Variants in DPRX observed in about 807,000 individuals in gnomAD.
DPRX encodes divergent-paired related homeobox, also known as divergent paired-related homeobox.
DPRX carries 11 observed loss-of-function variants against 8.4 expected under a neutral mutation model. That is an observed-to-expected ratio of 1.31 (90% CI 0.82 to 2.17). DPRX has a LOEUF of 2.17. DPRX is among the 30% of genes most tolerant of loss of function. The pLI is 0.00. For synonymous variants in DPRX, 72 were observed against 87.0 expected (o/e 0.83, Z 0.96); for missense variants, 211 against 236.7 (o/e 0.89, Z 0.71).
At chr19:53,609,582 C>A in the DPRX span, among the ~76,000 whole-genome samples, 3 of 149,858 alleles carry the variant, frequency 2.0e-5, no homozygotes, top group African/African-American at 7.3e-5. Context: ...CACGTGTGTA[C>A]CGGCTGGCCA....
At chr19:53,625,432 C>T in the DPRX span, among the ~76,000 whole-genome samples, 1 of 152,056 alleles carries the variant, frequency 6.6e-6, no homozygotes, top group Non-Finnish European at 1.5e-5. Flanking sequence ...TTAGGCACAT[C>T]CTTCGTCTCT....
chr19:53,613,101 T>G, the DPRX span, among the ~76,000 whole-genome samples: 1 of 152,162 alleles, frequency 6.6e-6, no homozygotes, highest in South Asian at 2.1e-4. Context: ...AGACAGTTTC[T>G]AGTTTCTATG....
At chr19:53,627,759 A>G (rs959832250), upstream of DPRX, among the ~76,000 whole-genome samples, 3 of 149,732 alleles carry the variant, frequency 2.0e-5, no homozygotes, top group South Asian at 6.6e-4. Context: ...TCTTAACACA[A>G]AAAGTTTTTG....
chr19:53,636,855 G>A (rs2122169824), exon 3 of DPRX: 1 of 1,614,094 alleles, frequency 6.2e-7, no homozygotes, highest in African/African-American at 1.3e-5. Flanking sequence ...ATTGGCCACA[G>A]AATAGTCCAT....
chr19:53,633,060 C>T (rs1036960227), intron 1 of DPRX, among the ~76,000 whole-genome samples: 1 of 152,104 alleles, frequency 6.6e-6, no homozygotes, highest in African/African-American at 2.4e-5. Context: ...CTTTGGGAGG[C>T]CGAGGTGGGC....
At chr19:53,602,310 G>C in the DPRX span, 1 of 321,700 alleles carries the variant, frequency 3.1e-6, no homozygotes, top group Admixed American at 4.1e-5. Flanking sequence ...GTGTGTGTGT[G>C]TGCCAGCCTC....
chr19:53,632,135 G>A lies in DPRX; in HGVS notation c.28+1G>A. 1.2e-6 allele frequency: 2 copies of A among 1,614,002 alleles called. No homozygotes were observed. Among genetic ancestry groups the A allele is most frequent in the South Asian group, 1.1e-5 (1 of 91,068 alleles). ...CCAGGCTCAGAGGATCTTCGTAAAG[G>A]TAAGCCAGAAAAAATGAGAACCGAA... On this transcript the variant is annotated splice_donor_variant, in intron 1 of 2. Coordinates refer to ENST00000376650, the Ensembl canonical transcript of DPRX. LOFTEE classifies it high-confidence loss of function.
At chr19:53,601,692 G>T in the DPRX span, among the ~76,000 whole-genome samples, 2 of 152,002 alleles carry the variant, frequency 1.3e-5, no homozygotes, top group Non-Finnish European at 2.9e-5. Flanking sequence ...ATGTTGGTCA[G>T]GCTGGTCCCG....
chr19:53,630,149 G>A (rs2091086817), upstream of DPRX: 2 of 151,080 alleles, frequency 1.3e-5, no homozygotes, highest in Admixed American at 6.6e-5. Context: ...GGAGGCAGAG[G>A]TTGCAGTGAG....
the DPRX span, among the ~76,000 whole-genome samples, chr19:53,614,949 GTC>G: frequency 5.3e-5 from 8 of 151,796 alleles, no homozygotes; most frequent in Non-Finnish European, 1.2e-4. Flanking sequence ...GAAAGACCCT[GTC>G]TCTCTATTTT....
the DPRX span, chr19:53,616,788 C>T: frequency 2.5e-6 from 4 of 1,570,598 alleles, no homozygotes; most frequent in Admixed American, 1.8e-5. Flanking sequence ...CGAGAATGGC[C>T]CTTGCTGCCA....
At chr19:53,619,270 G>A in the DPRX span, among the ~76,000 whole-genome samples, 5 of 152,056 alleles carry the variant, frequency 3.3e-5, no homozygotes, top group African/African-American at 7.2e-5. Flanking sequence ...GCCAGGCGTG[G>A]TGGCTCATGC....
the DPRX span, chr19:53,604,596 A>T: frequency 6.6e-6 from 1 of 152,524 alleles, no homozygotes; most frequent in Non-Finnish European, 1.5e-5. Context: ...CTGGAAAAGC[A>T]CTTTGGAAGG....
At chr19:53,610,089 TGCCGTGA>T in the DPRX span, among the ~76,000 whole-genome samples, 1 of 146,424 alleles carries the variant, frequency 6.8e-6, no homozygotes. Context: ...AGGCAGAGGT[TGCCGTGA>T]GCCGAGATTG....
chr19:53,601,774 A>G, the DPRX span, among the ~76,000 whole-genome samples: 650 of 151,892 alleles, frequency 4.3e-3, 2 homozygotes, highest in African/African-American at 0.015. Flanking sequence ...GAGCCACCTC[A>G]CCTGGCTCAA....
chr19:53,624,995 C>G, the DPRX span, among the ~76,000 whole-genome samples: 19 of 151,154 alleles, frequency 1.3e-4, no homozygotes, highest in Non-Finnish European at 1.8e-4. Context: ...GAAATGTAAT[C>G]AACTTACCAC....
the DPRX span, among the ~76,000 whole-genome samples, chr19:53,612,865 T>C: frequency 5.3e-5 from 8 of 152,142 alleles, no homozygotes; most frequent in African/African-American, 1.9e-4. Context: ...CCTGTCTCTC[T>C]GCATTCCTCC....
chr19:53,614,117 AT>A, the DPRX span, among the ~76,000 whole-genome samples: 1 of 151,722 alleles, frequency 6.6e-6, no homozygotes, highest in Non-Finnish European at 1.5e-5. Context: ...CGCCCTGCTA[AT>A]TTTTTGTATT....
the DPRX span, among the ~76,000 whole-genome samples, chr19:53,605,315 C>T: frequency 1.3e-5 from 2 of 152,048 alleles, no homozygotes; most frequent in Non-Finnish European, 2.9e-5. Flanking sequence ...TGCGCTCAAG[C>T]CATCCTCCCA....
Sources: allele counts gnomAD v4.1 joint callset (sites outside exome capture counted in the v4.1 genomes callset), GRCh38; gene constraint gnomAD v4.1.1; transcripts MANE v1.5; gene names NCBI Gene and HGNC (gene_info 2026-07-23, HGNC 2026-07-21).